The following RGL1 variants were observed in gnomAD, a reference collection of about 807,000 sequenced individuals.
RGL1 encodes ral guanine nucleotide dissociation stimulator like 1, also known as ral guanine nucleotide dissociation stimulator-like 1.
Under a neutral mutation model 95.2 loss-of-function variants are expected in RGL1, and 24 were observed. That is an observed-to-expected ratio of 0.25 (90% CI 0.18 to 0.35). RGL1 has a LOEUF of 0.35. Ranked by LOEUF, RGL1 falls within the 10% of genes least tolerant of loss-of-function variation. The pLI is 1.00. For missense variants in RGL1, 715 were observed against 936.3 expected (o/e 0.76, Z 3.08); for synonymous variants, 329 against 344.9 (o/e 0.95, Z 0.51).
intron 1 of RGL1, among the ~76,000 whole-genome samples, chr1:183,687,629 A>G (rs1423159227): frequency 2.0e-5 from 3 of 152,098 alleles, no homozygotes; most frequent in Non-Finnish European, 4.4e-5. Context: ...AGGCTCAACA[A>G]ATGACTGGGA....
At chr1:183,670,160 C>T (rs951888359) in intron 1 of RGL1, among the ~76,000 whole-genome samples, 1 of 152,148 alleles carries the variant, frequency 6.6e-6, no homozygotes, top group African/African-American at 2.4e-5. Context: ...TCCCCACTCC[C>T]ACTCCCACAC....
chr1:183,685,215 C>T (rs1008611123), intron 1 of RGL1, among the ~76,000 whole-genome samples: 10 of 151,972 alleles, frequency 6.6e-5, no homozygotes, highest in African/African-American at 2.2e-4. Context: ...TTTAATTTTG[C>T]TAATAACAAA....
At chr1:183,905,161 G>T (rs879265810) in intron 13 of RGL1, among the ~76,000 whole-genome samples, 190 bp downstream of exon 13, 11 of 152,218 alleles carry the variant, frequency 7.2e-5, no homozygotes, top group Non-Finnish European at 1.2e-4. Flanking sequence ...TGTACTTTCA[G>T]ACTCTTGCTT....
At chr1:183,773,427 A>G (rs1036445884) in intron 2 of RGL1, among the ~76,000 whole-genome samples, 1 of 152,254 alleles carries the variant, frequency 6.6e-6, no homozygotes, top group Non-Finnish European at 1.5e-5. Context: ...AGGAATGGAC[A>G]TATAACCATC....
At chr1:183,920,587 A>G (rs891675784) in intron 16 of RGL1, among the ~76,000 whole-genome samples, 1 of 152,242 alleles carries the variant, frequency 6.6e-6, no homozygotes, top group Non-Finnish European at 1.5e-5. Context: ...GAATGAAGGT[A>G]GCCTGGCTGT....
At chr1:183,717,129 G>GTTTTTTTTTTTTTTT in intron 1 of RGL1, among the ~76,000 whole-genome samples, 1 of 152,194 alleles carries the variant, frequency 6.6e-6, no homozygotes, top group Admixed American at 6.5e-5. Flanking sequence ...TAGAGGATCA[G>GTTTTTTTTTTTTTTT]TTATCTTTAA....
intron 16 of RGL1, among the ~76,000 whole-genome samples, chr1:183,917,049 CA>C (rs1400774041): frequency 6.6e-6 from 1 of 152,310 alleles, no homozygotes; most frequent in African/African-American, 2.4e-5. Flanking sequence ...GAGGATGACA[CA>C]ACCTCACACA....
intron 1 of RGL1, among the ~76,000 whole-genome samples, chr1:183,725,243 T>C (rs966198453): frequency 3.9e-5 from 6 of 152,138 alleles, no homozygotes; most frequent in African/African-American, 1.4e-4. Context: ...CCTGGTAAGC[T>C]TTCCCAGGAA....
At chr1:183,840,463 A>G (rs993771002) in intron 2 of RGL1, among the ~76,000 whole-genome samples, 11 of 152,136 alleles carry the variant, frequency 7.2e-5, no homozygotes, top group Admixed American at 4.6e-4. Flanking sequence ...AGTCCTCAGC[A>G]TGTCAAAGTT....
chr1:183,796,487 G>A (rs1044230039), intron 2 of RGL1, among the ~76,000 whole-genome samples: 11 of 152,116 alleles, frequency 7.2e-5, no homozygotes, highest in South Asian at 2.1e-4. Flanking sequence ...TTAGAAATAC[G>A]TTGTGCACGT....
At chr1:183,832,908 C>A (rs2491442) in intron 2 of RGL1, among the ~76,000 whole-genome samples, 123,254 of 152,130 alleles carry the variant, frequency 0.81, 50,039 homozygotes, top group Middle Eastern at 0.88. Context: ...TGCCGATTCT[C>A]CAGGGATATC....
intron 2 of RGL1, among the ~76,000 whole-genome samples, chr1:183,819,933 C>T (rs1662347576): frequency 6.6e-6 from 1 of 151,944 alleles, no homozygotes; most frequent in African/African-American, 2.4e-5. Context: ...TGCAGGTGCA[C>T]ACCACCATGC....
intron 2 of RGL1, among the ~76,000 whole-genome samples, chr1:183,821,309 CAGTT>C (rs1283571636): frequency 5.3e-5 from 8 of 152,022 alleles, no homozygotes; most frequent in East Asian, 1.9e-4. Context: ...GTTCTGAAGT[CAGTT>C]AGGTGGGCTA....
At position 183,662,793 on chromosome 1, in the gene RGL1, G is replaced by A. The variant is rs1005077990; in HGVS notation, c.-33+26292G>A. ...AAAAGAACAAAGCTGGAGGCATCAC[G>A]CTACCTGAGTTCAAACTATACTACA... is the stretch of plus-strand genomic sequence containing the variant. On this transcript the variant is annotated intron_variant, in intron 1 of 18. Coordinates refer to the RGL1 transcript ENST00000304685. Among the ~76,000 whole-genome samples the A allele has an allele frequency of 5.2e-3, 786 of 152,196 alleles. 9 individuals are homozygous for A. Among genetic ancestry groups the A allele is most frequent in the African/African-American group, 0.018 (746 of 41,508 alleles).
intron 4 of RGL1, among the ~76,000 whole-genome samples, chr1:183,878,417 C>G (rs879339780): frequency 7.2e-5 from 11 of 151,936 alleles, no homozygotes; most frequent in Admixed American, 7.2e-4. Flanking sequence ...TAGCTGGTCT[C>G]GAACTCCTGG....
chr1:183,752,697 T>TCTCC (rs1658093458), intron 2 of RGL1, among the ~76,000 whole-genome samples: 1 of 149,022 alleles, frequency 6.7e-6, no homozygotes, highest in South Asian at 2.2e-4. Context: ...TCTCTCTCTC[T>TCTCC]CTCTCTCTTT....
chr1:183,925,053 C>G (rs907470346), intron 17 of RGL1, among the ~76,000 whole-genome samples: 1 of 152,166 alleles, frequency 6.6e-6, no homozygotes, highest in Non-Finnish European at 1.5e-5. Context: ...TTTCATATTA[C>G]ACTTGGAACA....
chr1:183,715,855 G>T (rs1057357828), intron 1 of RGL1, among the ~76,000 whole-genome samples: 2 of 152,144 alleles, frequency 1.3e-5, no homozygotes, highest in African/African-American at 2.4e-5. Flanking sequence ...AGAATCTGCA[G>T]TTGGCAAGCT....
chr1:183,817,609 C>G (rs1036129049), intron 2 of RGL1, among the ~76,000 whole-genome samples: 1 of 152,326 alleles, frequency 6.6e-6, no homozygotes, highest in Non-Finnish European at 1.5e-5. Flanking sequence ...CATTCATTCC[C>G]TGTTCTCAGC....
Sources: gnomAD v4.1 joint callset for allele counts (sites outside exome capture counted in the v4.1 genomes callset) on GRCh38, gnomAD v4.1.1 for gene constraint, MANE v1.5 for transcripts, NCBI Gene and HGNC (gene_info 2026-07-23, HGNC 2026-07-21) for gene names.